Variants in PIEZO2 observed in about 807,000 individuals in gnomAD.
PIEZO2 encodes the protein piezo type mechanosensitive ion channel component 2.
A neutral mutation model predicts 337.3 loss-of-function variants in PIEZO2; 172 were observed. The observed-to-expected ratio is 0.51, with a 90% CI of 0.45 to 0.58. The LOEUF is 0.58. Among genes scored for constraint, PIEZO2 ranks in the 20% least tolerant of loss-of-function variants. The probability of loss-of-function intolerance (pLI) is 0.00; values close to 1 mark genes in which losing one functional copy is unlikely to be tolerated. For missense variants in PIEZO2, 3,028 were observed against 3,391.3 expected, an observed-to-expected ratio of 0.89 and a Z score of 2.66; for synonymous variants, 1,251 against 1,228.5, an observed-to-expected ratio of 1.02 and a Z score of -0.38.
intron 43 of PIEZO2, 56 bp downstream of exon 43, chr18:10,701,933 C>G: frequency 7.1e-7 from 1 of 1,404,538 alleles, no homozygotes; most frequent in South Asian, 1.6e-5. Flanking sequence ...AGATTACGGT[C>G]CAGGTTATCT....
In PIEZO2 at chr18:10,727,961, A is replaced by AAAAAAAG. The variant is rs1303186800; in HGVS notation, c.5029+3439_5029+3445dup. The AAAAAAAG allele has an allele frequency of 6.6e-6, 1 of 152,030 alleles. No homozygotes were observed. Among genetic ancestry groups the AAAAAAAG allele is most frequent in the African/African-American group, 2.4e-5 (1 of 41,246 alleles). The allele number at this position is 152,030 out of a possible 1,614,324, so 9.4% of individuals were successfully genotyped here. A position where few individuals can be genotyped will look rare whatever the true frequency, so the allele number is the denominator to read the frequency against. On this transcript the variant is annotated intron_variant, in intron 36 of 55. Transcript: ENST00000674853. The surrounding 1 kb of genome is among the most constrained non-coding windows in gnomAD (Gnocchi z 6.3). ...ACAATTAAAACAGTAATAACAAAAA[A>AAAAAAAG]AAAAAAGAAAAAAGAAAAAAAGGGA...
chr18:10,760,288 G>A (rs948649695), intron 24 of PIEZO2, among the ~76,000 whole-genome samples: 13 of 152,170 alleles, frequency 8.5e-5, no homozygotes, highest in Non-Finnish European at 5.9e-5. Context: ...TGCACAAAAA[G>A]AAAGAAGATT....
intron 27 of PIEZO2, among the ~76,000 whole-genome samples, chr18:10,753,345 A>C (rs1348049478): frequency 6.6e-6 from 1 of 152,232 alleles, no homozygotes; most frequent in Non-Finnish European, 1.5e-5. Context: ...GGTGATTCTG[A>C]CCAACTATCC....
intron 7 of PIEZO2, among the ~76,000 whole-genome samples, chr18:10,829,353 A>G (rs1792487312): frequency 6.6e-6 from 1 of 152,184 alleles, no homozygotes. Flanking sequence ...ATCATACATA[A>G]TGAGGAAATT....
At chr18:11,082,491 G>A (rs1193360043) in intron 1 of PIEZO2, among the ~76,000 whole-genome samples, 1 of 151,512 alleles carries the variant, frequency 6.6e-6, no homozygotes, top group African/African-American at 2.4e-5. Context: ...CTAATTTTTT[G>A]TATTTTTAGT....
intron 2 of PIEZO2, among the ~76,000 whole-genome samples, chr18:10,998,340 A>T (rs1024491342): frequency 2.3e-5 from 3 of 129,058 alleles, no homozygotes; most frequent in Admixed American, 7.8e-5. Flanking sequence ...ATTTGTTTAC[A>T]CACACACACA....
rs1445465519 is a variant in PIEZO2 at position 10,791,298 on chromosome 18, T to C, written c.1785A>G (p.Leu595=). 1 of 1,525,348 alleles carries C rather than the reference T, an allele frequency of 6.6e-7. No individual in the cohort carries two copies. Among genetic ancestry groups the C allele is most frequent in the Non-Finnish European group, 8.8e-7 (1 of 1,142,002 alleles). The allele number at this position is 1,525,348 out of a possible 1,614,324, so 94.5% of individuals were successfully genotyped here. A position where few individuals can be genotyped will look rare whatever the true frequency, so the allele number is the denominator to read the frequency against. Residue 595 remains leucine (L), a synonymous_variant, in exon 14 of 56, where the codon CTA becomes CTG. Coordinates refer to ENST00000674853, the MANE Select transcript of PIEZO2 (RefSeq NM_001378183.1). ...GCTCTGTGAGGTGCTGCCTCAGCAG[T>C]AGCCAAAAAGTAATGGTGAAAAGGA... is the stretch of plus-strand genomic sequence containing the variant. ...SKILFTITFW[L]LLRQHLTEQK...
intron 4 of PIEZO2, among the ~76,000 whole-genome samples, chr18:10,905,505 C>G (rs536472833): frequency 6.6e-6 from 1 of 151,564 alleles, no homozygotes; most frequent in Non-Finnish European, 1.5e-5. Context: ...ACCGCTTGAA[C>G]CCGGGAGGCA....
At chr18:10,928,280 G>A (rs1053547100) in intron 3 of PIEZO2, among the ~76,000 whole-genome samples, 2 of 152,094 alleles carry the variant, frequency 1.3e-5, no homozygotes, top group Non-Finnish European at 2.9e-5. Context: ...CTAAGAAAAC[G>A]TTTCATCAAG....
intron 7 of PIEZO2, among the ~76,000 whole-genome samples, chr18:10,823,212 T>C (rs1269966323): frequency 6.7e-6 from 1 of 148,412 alleles, no homozygotes; most frequent in East Asian, 2.0e-4. Context: ...TTTTTATTTA[T>C]GTATTAACAT....
rs562667427 is a variant in PIEZO2, at chr18:10,673,577, C to T, written c.8162-704G>A. 2.3e-3 allele frequency among the ~76,000 whole-genome samples: 349 copies of T among 152,236 alleles called. 1 individual carries two copies. The highest frequency in any genetic ancestry group is 7.9e-3 in the African/African-American group (330 of 41,528). ...CACAGCTCAGCAAATCTCTGAGAAC[C>T]ATAATATCGGGTCAGTGATTACTTT... On this transcript the variant is annotated intron_variant, in intron 54 of 55. Transcript: ENST00000674853. The surrounding 1 kb of genome is among the most constrained non-coding windows in gnomAD (Gnocchi z 4.8).
At chr18:10,796,562 C>T (rs1399912481) in intron 12 of PIEZO2, among the ~76,000 whole-genome samples, 1 of 152,110 alleles carries the variant, frequency 6.6e-6, no homozygotes, top group Non-Finnish European at 1.5e-5. Context: ...TCTGACTTGA[C>T]AAGCTAATTT....
intron 13 of PIEZO2, among the ~76,000 whole-genome samples, chr18:10,793,729 G>A (rs530371989): frequency 6.6e-5 from 10 of 152,252 alleles, no homozygotes; most frequent in African/African-American, 2.2e-4. Context: ...AGAGTATAAC[G>A]TGGGATTTTC....
rs1166362023 is a variant in PIEZO2 at position 10,815,040 on chromosome 18, T to G, written c.918-7766A>C. Among the ~76,000 whole-genome samples the G allele has an allele frequency of 2.6e-5, 4 of 152,200 alleles. No individual in the cohort carries two copies. Among genetic ancestry groups the G allele is most frequent in the African/African-American group, 7.2e-5 (3 of 41,458 alleles). The stretch of plus-strand genomic sequence containing the variant: ...GACATAGGTGCCCTGCAGCAGCTTA[T>G]AAAACTAATTGTGGGGAAAATGGCC... On this transcript the variant is annotated intron_variant, in intron 7 of 55. Transcript: ENST00000674853. This position sits in a 1 kb window ranked among gnomAD's most constrained non-coding sequence, Gnocchi z 4.1.
At chr18:10,864,305 G>A (rs998595596) in intron 5 of PIEZO2, among the ~76,000 whole-genome samples, 2 of 152,084 alleles carry the variant, frequency 1.3e-5, no homozygotes, top group East Asian at 3.9e-4. Context: ...GTCCAGGGTG[G>A]GATAACAAAT....
chr18:10,731,213 A>ATATATATATATC, intron 36 of PIEZO2, among the ~76,000 whole-genome samples, 194 bp downstream of exon 36: 1 of 127,222 alleles, frequency 7.9e-6, no homozygotes, highest in African/African-American at 3.0e-5. Context: ...ATATATATAT[A>ATATATATATATC]TATATCTCCT....
Position 11,058,201 on chromosome 18 carries a change from G to A in PIEZO2, c.160+7926C>T, listed in dbSNP as rs1303899640. Among the ~76,000 whole-genome samples the A allele has an allele frequency of 2.0e-5, 3 of 152,312 alleles. No homozygotes were observed. In the East Asian group the frequency reaches 5.8e-4, roughly 29 times the overall value. ...GTTACCCAGGCAAACAGGGTCTGGA[G>A]TGGACCTCCAGCAAACTCCAACACA... On this transcript the variant is annotated intron_variant, in intron 2 of 55. Transcript: ENST00000674853.
At chr18:10,696,657 A>C (rs1598368151) in intron 45 of PIEZO2, 118 bp from the exon 46 acceptor site, 2 of 1,171,928 alleles carry the variant, frequency 1.7e-6, no homozygotes, top group African/African-American at 3.1e-5. Flanking sequence ...GTCAGGTCCC[A>C]CCTTCCTCTC....
chr18:11,012,287 T>C (rs1437202662), intron 2 of PIEZO2, among the ~76,000 whole-genome samples: 2 of 152,198 alleles, frequency 1.3e-5, no homozygotes, highest in Admixed American at 6.5e-5. Context: ...ATGAGCAGCA[T>C]TTTTTTCTCA....
Sources: allele counts gnomAD v4.1 joint callset (sites outside exome capture counted in the v4.1 genomes callset), GRCh38; gene constraint gnomAD v4.1.1; non-coding constraint Gnocchi (gnomAD v3.1); transcripts MANE v1.5; gene names NCBI Gene and HGNC (gene_info 2026-07-23, HGNC 2026-07-21).